GTF3C1: variants seen among roughly 807,000 people sequenced by gnomAD.
GTF3C1 encodes general transcription factor IIIC subunit 1.
Under a neutral mutation model 226.7 loss-of-function variants are expected in GTF3C1, and 57 were observed. The observed-to-expected ratio is 0.25, with a 90% CI of 0.20 to 0.31. The LOEUF is 0.31. Among genes scored for constraint, GTF3C1 ranks in the 10% least tolerant of loss-of-function variants. The pLI is 1.00. For synonymous variants in GTF3C1, 1,090 were observed against 1,084.8 expected (o/e 1.00, Z -0.09); for missense variants, 2,217 against 2,776.1 (o/e 0.80, Z 4.53).
chr16:27,549,256 T>C (rs780831518), intron 1 of GTF3C1, among the ~76,000 whole-genome samples: 3 of 152,206 alleles, frequency 2.0e-5, no homozygotes, highest in Non-Finnish European at 4.4e-5. Context: ...GATCTCGAGT[T>C]GCCCTAGGCT....
intron 6 of GTF3C1, among the ~76,000 whole-genome samples, chr16:27,513,900 T>C (rs1469004304): frequency 6.6e-6 from 1 of 151,988 alleles, no homozygotes; most frequent in East Asian, 1.9e-4. Context: ...AAGTGTGAAA[T>C]GCCATCCCCA....
At chr16:27,484,477 A>G in intron 24 of GTF3C1, 124 bp from the exon 25 acceptor site, 7 of 652,600 alleles carry the variant, frequency 1.1e-5, no homozygotes, top group Middle Eastern at 3.2e-4. Context: ...AATCCCCACA[A>G]CTGTCACCTC....
chr16:27,549,547 C>T, intron 1 of GTF3C1, 123 bp downstream of exon 1: 2 of 653,054 alleles, frequency 3.1e-6, no homozygotes, highest in Admixed American at 2.9e-5. Context: ...CGTGCCCCAA[C>T]TCAATCAACA....
At chr16:27,494,960 G>A in intron 15 of GTF3C1, 52 bp from the exon 16 acceptor site, 4 of 1,511,968 alleles carry the variant, frequency 2.6e-6, no homozygotes, top group Non-Finnish European at 3.7e-6. Flanking sequence ...CAGTCACCAT[G>A]GTGACACATG....
Position 27,461,776 on chromosome 16 carries a change from A to T in GTF3C1, c.6118-214T>A, listed in dbSNP as rs775471839. 13 of 570,320 alleles carry T rather than the reference A, an allele frequency of 2.3e-5. No homozygotes were observed. The highest frequency in any genetic ancestry group is 3.8e-5 in the Non-Finnish European group (12 of 319,120). The allele number at this position is 570,320 out of a possible 1,614,324, so 35.3% of individuals were successfully genotyped here. ...GCAGCTGCCTGAGCAGCACGTGTAC[A>T]GCGCTGGCTGGAGCCACCACGCTGA... On this transcript the variant is annotated intron_variant, in intron 36 of 36. Coordinates refer to ENST00000356183, the MANE Select transcript of GTF3C1 (RefSeq NM_001520.4). This position sits in a 1 kb window ranked among gnomAD's most constrained non-coding sequence, Gnocchi z 5.3.
chr16:27,528,805 T>C, intron 5 of GTF3C1, 84 bp from the exon 6 acceptor site: 1 of 1,285,528 alleles, frequency 7.8e-7, no homozygotes, highest in Non-Finnish European at 1.1e-6. Context: ...GAACACAAGT[T>C]CAGGACCTGA....
chr16:27,533,732 T>C (rs1240655342), intron 4 of GTF3C1, among the ~76,000 whole-genome samples: 1 of 152,194 alleles, frequency 6.6e-6, no homozygotes, highest in African/African-American at 2.4e-5. Context: ...ACAAATCACT[T>C]GGTGAGGGGC....
intron 6 of GTF3C1, among the ~76,000 whole-genome samples, chr16:27,525,374 TCA>T: frequency 6.6e-6 from 1 of 152,308 alleles, no homozygotes; most frequent in Admixed American, 6.5e-5. Flanking sequence ...ATTCAACCAA[TCA>T]CACATTTACT....
At chr16:27,498,120 T>C (rs918327222) in intron 13 of GTF3C1, among the ~76,000 whole-genome samples, 2 of 152,206 alleles carry the variant, frequency 1.3e-5, no homozygotes, top group African/African-American at 2.4e-5. Flanking sequence ...TCAGTAATTA[T>C]ATGAGAAATT....
chr16:27,493,136 G>A (rs2088257907), intron 17 of GTF3C1, 63 bp downstream of exon 17: 2 of 858,500 alleles, frequency 2.3e-6, no homozygotes, highest in Non-Finnish European at 4.1e-6. Flanking sequence ...TGATGGCTTA[G>A]AGCCCTGACT....
Position 27,470,184 on chromosome 16 carries a change from T to C in GTF3C1, c.4738A>G (p.Ile1580Val). 1 of 1,613,790 alleles carries C rather than the reference T, an allele frequency of 6.2e-7. No homozygotes were observed. The highest frequency in any genetic ancestry group is 8.5e-7 in the Non-Finnish European group (1 of 1,179,688). ...TCCGGGATCCTGACATCCACAGAAA[T>C]GAGGCCCAGAGAGAAGAGGGTCAGG... ...AVLTLFSLGLISVDVRIPEQI... is the reference protein window; with the variant it reads ...AVLTLFSLGLVSVDVRIPEQI... The change falls in exon 31 of 37, where the codon ATT becomes GTT. Residue 1580 changes from isoleucine (I) to valine (V), a missense_variant. Physicochemically the swap from Ile to Val is conservative, Grantham distance 29 (BLOSUM62 3). Coordinates refer to ENST00000356183, the MANE Select transcript of GTF3C1 (RefSeq NM_001520.4). The surrounding 1 kb of genome is among the most constrained non-coding windows in gnomAD (Gnocchi z 4.9).
rs772785879 is a variant in GTF3C1 at position 27,478,526 on chromosome 16, C to T, written c.4202G>A (p.Arg1401Gln). ...TTTTTCATCCCCAATTGCCAAAACT[C>T]GGTACCTGCAAAAGAAACATAACAG... ...DTLQELFARY[R>Q]VLAIGDEKDQ... The change falls in exon 28 of 37, where the codon CGA (arginine) becomes CAA (glutamine). Residue 1401 changes from arginine (R) to glutamine (Q), a missense_variant. Around this residue, in one of 12 missense-constraint regions of GTF3C1, gnomAD observed 546 missense variants for 663.0 expected, o/e 0.82. Transcript: ENST00000356183. 1.2e-5 allele frequency: 20 copies of T among 1,610,402 alleles called. No homozygotes were observed. The Admixed American group carries it at 2.0e-4, about 16-fold the overall frequency.
chr16:27,547,860 A>G (rs1277960098), intron 1 of GTF3C1, among the ~76,000 whole-genome samples: 1 of 151,956 alleles, frequency 6.6e-6, no homozygotes, highest in Non-Finnish European at 1.5e-5. Context: ...CCTGACCTCA[A>G]GTTATCCGCC....
In GTF3C1 at chr16:27,506,838, G is replaced by A. The variant is rs372201142; in HGVS notation, c.1552+9C>T. 3.8e-6 allele frequency: 6 copies of A among 1,591,810 alleles called. No homozygotes were observed. The highest frequency in any genetic ancestry group is 2.7e-5 in the African/African-American group (2 of 74,206). On this transcript the variant is annotated intron_variant, in intron 9 of 36. Coordinates refer to ENST00000356183, the MANE Select transcript of GTF3C1 (RefSeq NM_001520.4). ...CACGCAGCCCCTGCCCACCCCACGT[G>A]CTCCCTACCCTTGGTTGGGGTGGAG... is the stretch of plus-strand genomic sequence containing the variant.
At chr16:27,533,979 T>C (rs1243526985) in intron 4 of GTF3C1, among the ~76,000 whole-genome samples, 2 of 152,110 alleles carry the variant, frequency 1.3e-5, no homozygotes, top group Non-Finnish European at 2.9e-5. Context: ...GCATTCCAGC[T>C]TGGGTGACAG....
At chr16:27,484,384 T>C (rs1328496379) in intron 24 of GTF3C1, 31 bp from the exon 25 acceptor site, 1 of 1,537,950 alleles carries the variant, frequency 6.5e-7, no homozygotes, top group Non-Finnish European at 9.0e-7. Context: ...AGACAAAAAG[T>C]CAGTATCCTC....
At chr16:27,483,576 C>T (rs2088089946) in intron 25 of GTF3C1, 1 of 429,574 alleles carries the variant, frequency 2.3e-6, no homozygotes, top group South Asian at 1.6e-5. Flanking sequence ...CCTGACTTGC[C>T]CAAAAGAAAA....
chr16:27,527,031 T>G (rs987484894), intron 6 of GTF3C1, among the ~76,000 whole-genome samples: 1 of 152,148 alleles, frequency 6.6e-6, no homozygotes, highest in Admixed American at 6.5e-5. Flanking sequence ...ATAGCAAGAC[T>G]TCGTCTCTAC....
intron 6 of GTF3C1, among the ~76,000 whole-genome samples, chr16:27,525,708 T>TTCAGCACACACACTC (rs1238422329): frequency 1.3e-5 from 2 of 152,212 alleles, no homozygotes; most frequent in African/African-American, 4.8e-5. Flanking sequence ...TCTGTCCTCA[T>TTCAGCACACACACTC]TCAGCACACA....
Sources: gnomAD v4.1 joint callset for allele counts (sites outside exome capture counted in the v4.1 genomes callset) on GRCh38, gnomAD v4.1.1 for gene constraint, gnomAD v4.1.1 regional missense constraint, Gnocchi (gnomAD v3.1) non-coding constraint, MANE v1.5 for transcripts, NCBI Gene and HGNC (gene_info 2026-07-23, HGNC 2026-07-21) for gene names.